Variants in GRIN2B observed in about 807,000 individuals in gnomAD.
GRIN2B encodes glutamate receptor ionotropic, NMDA 2B.
In GRIN2B, 5 loss-of-function variants were observed where a neutral mutation model predicts 114.5. The ratio of observed to expected loss-of-function variants is 0.04; its 90% CI spans 0.02 to 0.09. GRIN2B has a LOEUF of 0.09. Ranked by LOEUF, GRIN2B falls within the 10% of genes least tolerant of loss-of-function variation. The pLI is 1.00. For missense variants in GRIN2B, 1,108 were observed against 1,943.5 expected (o/e 0.57, Z 8.08); for synonymous variants, 787 against 745.1 (o/e 1.06, Z -0.92).
intron 3 of GRIN2B, among the ~76,000 whole-genome samples, chr12:13,840,922 GAAGTA>G (rs778304320): frequency 3.3e-5 from 5 of 152,092 alleles, no homozygotes; most frequent in Admixed American, 6.6e-5. Flanking sequence ...GCAGAAACAA[GAAGTA>G]AAGAAAAATT....
At chr12:13,612,538 A>G (rs1054285407) in intron 8 of GRIN2B, among the ~76,000 whole-genome samples, 1 of 152,220 alleles carries the variant, frequency 6.6e-6, no homozygotes, top group Non-Finnish European at 1.5e-5. Context: ...GTGACAAGGG[A>G]ACATGTCTAA....
At chr12:13,771,362 A>G (rs1236945742) in intron 3 of GRIN2B, among the ~76,000 whole-genome samples, 2 of 152,228 alleles carry the variant, frequency 1.3e-5, no homozygotes, top group African/African-American at 4.8e-5. Context: ...CAATACAGTA[A>G]AAAACTAAAA....
chr12:13,605,845 T>C (rs1032105334), intron 10 of GRIN2B, among the ~76,000 whole-genome samples: 1 of 152,090 alleles, frequency 6.6e-6, no homozygotes, highest in African/African-American at 2.4e-5. Context: ...TTTGAGACAT[T>C]TGAAGGAAGC....
intron 2 of GRIN2B, among the ~76,000 whole-genome samples, chr12:13,876,807 G>C (rs778384170): frequency 1.1e-4 from 16 of 152,156 alleles, no homozygotes; most frequent in Non-Finnish European, 1.6e-4. Context: ...ATGAGGCAGG[G>C]ACTATGTCTT....
chr12:13,653,002 T>G (rs1037850851), intron 5 of GRIN2B, among the ~76,000 whole-genome samples: 4 of 152,114 alleles, frequency 2.6e-5, no homozygotes, highest in African/African-American at 9.7e-5. Flanking sequence ...AATTTTATGT[T>G]TTAGGAGGAT....
intron 2 of GRIN2B, among the ~76,000 whole-genome samples, chr12:13,960,787 G>T (rs1444279568): frequency 6.6e-6 from 1 of 152,132 alleles, no homozygotes; most frequent in Non-Finnish European, 1.5e-5. Context: ...AGACGGATTG[G>T]GTCAGGACAA....
Position 13,540,930 on chromosome 12 carries a change from T to C in GRIN2B, c.*21853A>G, listed in dbSNP as rs1244899209. 1 of 152,178 alleles carries C rather than the reference T, an allele frequency of 6.6e-6. No individual in the cohort carries two copies. Among genetic ancestry groups the C allele is most frequent in the Non-Finnish European group, 1.5e-5 (1 of 68,066 alleles). The allele number at this position is 152,178 out of a possible 1,614,324, so 9.4% of individuals were successfully genotyped here. A position where few individuals can be genotyped will look rare whatever the true frequency, so the allele number is the denominator to read the frequency against. ...ACCATTTCCCCTCTGCCATGTGACT[T>C]TGGGAGGGGTGCAGCTGTGAATTTG... On this transcript the variant is annotated 3_prime_UTR_variant, in exon 14 of 14. Transcript: ENST00000609686.
intron 2 of GRIN2B, among the ~76,000 whole-genome samples, chr12:13,963,347 G>A (rs1373662756): frequency 2.0e-5 from 3 of 152,116 alleles, no homozygotes; most frequent in Non-Finnish European, 2.9e-5. Flanking sequence ...AGAAATGAAC[G>A]CACCCAGCTT....
Position 13,571,511 on chromosome 12 carries a change from C to T in GRIN2B, c.2171+293G>A, listed in dbSNP as rs117049493. 4.6e-4 allele frequency among the ~76,000 whole-genome samples: 70 copies of T among 152,266 alleles called. 1 individual carries two copies. In the East Asian group the frequency reaches 0.012, roughly 26 times the overall value. ...ACATACACGGCACAAATACCTTATC[C>T]TTCACTCTGCCCTCCTACTTCTACA... On this transcript the variant is annotated intron_variant, in intron 11 of 13. Coordinates refer to ENST00000609686, the MANE Select transcript of GRIN2B (RefSeq NM_000834.5).
At chr12:13,843,993 T>G (rs1439696720) in intron 3 of GRIN2B, among the ~76,000 whole-genome samples, 1 of 152,224 alleles carries the variant, frequency 6.6e-6, no homozygotes, top group Non-Finnish European at 1.5e-5. Context: ...CCTTTTCTCC[T>G]CATTATCACC....
intron 2 of GRIN2B, among the ~76,000 whole-genome samples, chr12:13,936,658 A>T (rs1442621346): frequency 6.6e-6 from 1 of 152,222 alleles, no homozygotes; most frequent in Non-Finnish European, 1.5e-5. Context: ...GTATTTAATT[A>T]AAAAACCATT....
At chr12:13,696,809 G>A (rs1950263590) in intron 4 of GRIN2B, among the ~76,000 whole-genome samples, 1 of 152,116 alleles carries the variant, frequency 6.6e-6, no homozygotes, top group Non-Finnish European at 1.5e-5. Context: ...GACAGGGAGG[G>A]CATACCTAAC....
intron 3 of GRIN2B, among the ~76,000 whole-genome samples, chr12:13,797,431 A>G (rs536126529): frequency 2.0e-5 from 3 of 152,366 alleles, no homozygotes; most frequent in Admixed American, 2.0e-4. Context: ...TAAAATGATA[A>G]TGGAAAGTAG....
At chr12:13,802,779 G>A (rs957614701) in intron 3 of GRIN2B, among the ~76,000 whole-genome samples, 2 of 152,122 alleles carry the variant, frequency 1.3e-5, no homozygotes, top group Admixed American at 1.3e-4. Flanking sequence ...TGTTCAGAAT[G>A]CTAACTACTA....
intron 5 of GRIN2B, among the ~76,000 whole-genome samples, chr12:13,637,391 T>C (rs959746521): frequency 1.1e-4 from 17 of 152,148 alleles, no homozygotes; most frequent in African/African-American, 3.9e-4. Context: ...TCATGGCCCA[T>C]GTTGAGTAGG....
At chr12:13,665,782 T>C (rs545244653) in intron 5 of GRIN2B, among the ~76,000 whole-genome samples, 3 of 152,342 alleles carry the variant, frequency 2.0e-5, no homozygotes, top group African/African-American at 7.2e-5. Flanking sequence ...ATCTTCCTAA[T>C]GTCCCTTAAT....
chr12:13,860,613 C>G (rs981455857), intron 3 of GRIN2B, among the ~76,000 whole-genome samples: 7 of 152,046 alleles, frequency 4.6e-5, no homozygotes, highest in Non-Finnish European at 8.8e-5. Flanking sequence ...CATGAGCCAC[C>G]GTGCCTGGCC....
chr12:13,753,161 C>T lies in GRIN2B; in HGVS notation c.1010+156G>A, dbSNP rs1287630468. ...TGTTTTGGCAAGGTTGGATCCAAAA[C>T]ACTCCCCCAATCATGACCAATTGCC... is the stretch of plus-strand genomic sequence containing the variant. On this transcript the variant is annotated intron_variant, in intron 4 of 13. Transcript: ENST00000609686. The surrounding 1 kb of genome is among the most constrained non-coding windows in gnomAD (Gnocchi z 6.2). 6.6e-6 allele frequency among the ~76,000 whole-genome samples: 1 copy of T among 152,124 alleles called. No homozygotes were observed. Among genetic ancestry groups the T allele is most frequent in the Non-Finnish European group, 1.5e-5 (1 of 68,020 alleles).
At position 13,540,741 on chromosome 12, in the gene GRIN2B, A is replaced by G. The variant is rs2136377502; in HGVS notation, c.*22042T>C. ...TATTTACAGAAAACAGAAGCAAAAC[A>G]AATAAACAAAAAAAGAACTTGGAGG... is the stretch of plus-strand genomic sequence containing the variant. On this transcript the variant is annotated 3_prime_UTR_variant, in exon 14 of 14. Transcript: ENST00000609686. The G allele has an allele frequency of 6.6e-6, 1 of 152,314 alleles. No individual in the cohort carries two copies. Among genetic ancestry groups the G allele is most frequent in the African/African-American group, 2.4e-5 (1 of 41,556 alleles). The allele number at this position is 152,314 out of a possible 1,614,324, so 9.4% of individuals were successfully genotyped here.
Sources: allele counts gnomAD v4.1 joint callset (sites outside exome capture counted in the v4.1 genomes callset), GRCh38; gene constraint gnomAD v4.1.1; non-coding constraint Gnocchi (gnomAD v3.1); transcripts MANE v1.5; gene names NCBI Gene and HGNC (gene_info 2026-07-23, HGNC 2026-07-21).